Variants in JAM3 observed in about 807,000 individuals in gnomAD.
JAM3 encodes the protein junctional adhesion molecule 3.
A neutral mutation model predicts 39.4 loss-of-function variants in JAM3; 31 were observed. The observed-to-expected ratio is 0.79, with a 90% CI of 0.59 to 1.06. The LOEUF (loss-of-function observed/expected upper bound fraction) is 1.06, where lower values mean the gene tolerates loss of function less well. JAM3 is among the 50% of genes least tolerant of loss of function. The pLI is 0.00. For missense variants in JAM3, 455 were observed against 391.4 expected (o/e 1.16, Z -1.37); for synonymous variants, 182 against 148.7 (o/e 1.22, Z -1.63).
intron 1 of JAM3, among the ~76,000 whole-genome samples, chr11:134,114,967 T>G (rs1288278889): frequency 6.6e-6 from 1 of 152,240 alleles, no homozygotes; most frequent in African/African-American, 2.4e-5. Flanking sequence ...TCCTATGGAT[T>G]TGTTTATTTC....
In JAM3 at chr11:134,149,651, C is replaced by T; in HGVS notation, c.*470C>T. 1 of 458,292 alleles carries T rather than the reference C, an allele frequency of 2.2e-6. No individual in the cohort carries two copies. The highest frequency in any genetic ancestry group is 1.5e-5 in the South Asian group (1 of 64,602). 28.4% of individuals were successfully genotyped at this position (458,292 alleles called of 1,614,324 possible). On this transcript the variant is annotated 3_prime_UTR_variant, in exon 9 of 9. Transcript: ENST00000299106. ...AAAGGCTTCTTACACAGCAGCCTTA[C>T]TTCATCGGCCCACAGACACCACCGC... is the stretch of plus-strand genomic sequence containing the variant.
At chr11:134,088,358 C>G (rs1160163076) in intron 1 of JAM3, among the ~76,000 whole-genome samples, 1 of 152,094 alleles carries the variant, frequency 6.6e-6, no homozygotes, top group Non-Finnish European at 1.5e-5. Flanking sequence ...CATTGCTTTC[C>G]TTATCCTTAA....
At chr11:134,090,358 T>G (rs1170626445) in intron 1 of JAM3, among the ~76,000 whole-genome samples, 1 of 152,228 alleles carries the variant, frequency 6.6e-6, no homozygotes, top group Non-Finnish European at 1.5e-5. Context: ...GCTTTTGGTG[T>G]TTTAGACATG....
intron 1 of JAM3, among the ~76,000 whole-genome samples, chr11:134,102,090 C>T (rs964654397): frequency 3.3e-5 from 5 of 152,078 alleles, no homozygotes; most frequent in Non-Finnish European, 7.4e-5. Flanking sequence ...ATCTCAGCCA[C>T]CTTACGAAGT....
At chr11:134,145,901 G>A in intron 5 of JAM3, 45 bp from the exon 6 acceptor site, 2 of 1,332,850 alleles carry the variant, frequency 1.5e-6, no homozygotes, top group Non-Finnish European at 1.1e-6. Context: ...TCAGAAATCG[G>A]CCCCATGATG....
intron 1 of JAM3, among the ~76,000 whole-genome samples, chr11:134,074,636 C>T (rs1941535262): frequency 6.6e-6 from 1 of 152,132 alleles, no homozygotes; most frequent in African/African-American, 2.4e-5. Flanking sequence ...TACCGGCCTC[C>T]CCCCTTCTTT....
chr11:134,146,067 G>T (rs751888935), intron 6 of JAM3, 22 bp downstream of exon 6: 15 of 1,477,402 alleles, frequency 1.0e-5, no homozygotes, highest in Non-Finnish European at 1.3e-5. Context: ...TTTTGAAGAG[G>T]TTTCATCGCA....
intron 1 of JAM3, chr11:134,124,303 T>A: frequency 1.2e-6 from 1 of 838,164 alleles, no homozygotes; most frequent in Non-Finnish European, 2.1e-6. Context: ...TCACAGGAAA[T>A]CTCCACAGGG....
At chr11:134,117,174 T>C (rs1360533915) in intron 1 of JAM3, among the ~76,000 whole-genome samples, 1 of 152,030 alleles carries the variant, frequency 6.6e-6, no homozygotes, top group Non-Finnish European at 1.5e-5. Flanking sequence ...CCAGCCTGGC[T>C]GAGATGGTGA....
intron 1 of JAM3, among the ~76,000 whole-genome samples, chr11:134,076,083 G>A (rs1170909922): frequency 6.8e-6 from 1 of 147,342 alleles, no homozygotes; most frequent in Non-Finnish European, 1.5e-5. Context: ...AAATTTTCTT[G>A]GTTCTTTTTA....
chr11:134,078,518 TA>T (rs2120583299), intron 1 of JAM3, among the ~76,000 whole-genome samples: 1 of 152,354 alleles, frequency 6.6e-6, no homozygotes, highest in African/African-American at 2.4e-5. Flanking sequence ...TTTGTCCTTT[TA>T]AAGATTTCCC....
intron 6 of JAM3, among the ~76,000 whole-genome samples, chr11:134,146,526 G>C (rs1369991674): frequency 1.3e-5 from 2 of 151,968 alleles, no homozygotes; most frequent in African/African-American, 4.8e-5. Flanking sequence ...GGGGCAGAGA[G>C]GATGTGTCCA....
chr11:134,101,354 A>C (rs908562120), intron 1 of JAM3, among the ~76,000 whole-genome samples: 2 of 152,236 alleles, frequency 1.3e-5, no homozygotes, highest in Admixed American at 1.3e-4. Flanking sequence ...CAGCTATTTA[A>C]CTATAAGTAG....
intron 1 of JAM3, among the ~76,000 whole-genome samples, chr11:134,101,059 G>A (rs1382593369): frequency 1.3e-5 from 2 of 152,252 alleles, no homozygotes; most frequent in East Asian, 3.9e-4. Flanking sequence ...TGTAACTCAG[G>A]AAGATATTGC....
chr11:134,091,410 G>C (rs1367478619), intron 1 of JAM3, among the ~76,000 whole-genome samples: 4 of 152,018 alleles, frequency 2.6e-5, no homozygotes, highest in Non-Finnish European at 5.9e-5. Context: ...CAGGAGAATC[G>C]CTTCCCAGAA....
intron 1 of JAM3, among the ~76,000 whole-genome samples, chr11:134,099,374 G>A (rs959932733): frequency 2.0e-5 from 3 of 152,020 alleles, no homozygotes; most frequent in African/African-American, 7.2e-5. Context: ...GTTTCTATTT[G>A]CTTCATTTTC....
At chr11:134,112,716 A>G (rs1045656861) in intron 1 of JAM3, among the ~76,000 whole-genome samples, 1 of 152,184 alleles carries the variant, frequency 6.6e-6, no homozygotes, top group South Asian at 2.1e-4. Flanking sequence ...CATGGCTACT[A>G]ATTGGTACCG....
intron 1 of JAM3, among the ~76,000 whole-genome samples, chr11:134,082,112 C>T (rs552493419): frequency 6.6e-5 from 10 of 152,314 alleles, no homozygotes; most frequent in South Asian, 4.1e-4. Flanking sequence ...TGTTGGATTT[C>T]GGACTTGCAT....
intron 1 of JAM3, among the ~76,000 whole-genome samples, chr11:134,131,776 G>C (rs541279488): frequency 9.9e-5 from 15 of 152,254 alleles, no homozygotes; most frequent in African/African-American, 3.6e-4. Context: ...ACAAATTTTG[G>C]AACTGAAAAT....
Sources: allele counts gnomAD v4.1 joint callset (sites outside exome capture counted in the v4.1 genomes callset), GRCh38; gene constraint gnomAD v4.1.1; transcripts MANE v1.5; gene names NCBI Gene and HGNC (gene_info 2026-07-23, HGNC 2026-07-21).